The following ALMS1 variants were observed in gnomAD, a reference collection of about 807,000 sequenced individuals.
ALMS1 encodes ALMS1 centrosome and basal body associated protein.
ALMS1 carries 271 observed loss-of-function variants against 352.2 expected under a neutral mutation model. That is an observed-to-expected ratio of 0.77 (90% CI 0.70 to 0.85). ALMS1 has a LOEUF of 0.85. ALMS1 is among the 40% of genes least tolerant of loss of function. The pLI, the probability that ALMS1 is intolerant of heterozygous loss-of-function variation, is 0.00. For synonymous variants in ALMS1, 1,865 were observed against 1,761.2 expected, an observed-to-expected ratio of 1.06 and a Z score of -1.48; for missense variants, 5,445 against 4,870.7, an observed-to-expected ratio of 1.12 and a Z score of -3.51.
chr2:73,550,488 C>T (rs757800398), intron 13 of ALMS1, 51 bp downstream of exon 13: 4 of 1,594,296 alleles, frequency 2.5e-6, no homozygotes, highest in Non-Finnish European at 3.4e-6. Flanking sequence ...CCTTTTCATC[C>T]TAAATGAGAT....
At chr2:73,597,788 T>C (rs1675581948) in intron 16 of ALMS1, among the ~76,000 whole-genome samples, 1 of 152,050 alleles carries the variant, frequency 6.6e-6, no homozygotes, top group Non-Finnish European at 1.5e-5. Context: ...GAGCTTTTTT[T>C]TTTTTTTCCC....
chr2:73,564,591 C>G (rs948386997), intron 15 of ALMS1, among the ~76,000 whole-genome samples: 2 of 152,072 alleles, frequency 1.3e-5, no homozygotes, highest in Non-Finnish European at 2.9e-5. Flanking sequence ...AAAAGAAACC[C>G]TGAGACTTAA....
chr2:73,444,276 G>A (rs1671767574), intron 7 of ALMS1, among the ~76,000 whole-genome samples: 1 of 152,156 alleles, frequency 6.6e-6, no homozygotes, highest in Non-Finnish European at 1.5e-5. Context: ...GAATTTCTTT[G>A]AGTAGGGGTG....
intron 10 of ALMS1, among the ~76,000 whole-genome samples, chr2:73,516,585 C>T (rs1019470829): frequency 1.3e-5 from 2 of 152,180 alleles, no homozygotes; most frequent in Non-Finnish European, 2.9e-5. Flanking sequence ...GGTTTTTCAA[C>T]AACTAAATAT....
intron 10 of ALMS1, among the ~76,000 whole-genome samples, chr2:73,514,884 A>G (rs1332816114): frequency 6.6e-6 from 1 of 151,998 alleles, no homozygotes; most frequent in African/African-American, 2.4e-5. Context: ...TTATTTTTGC[A>G]CCTTTGATTT....
At chr2:73,545,335 C>T (rs1255243136) in intron 12 of ALMS1, among the ~76,000 whole-genome samples, 1 of 151,984 alleles carries the variant, frequency 6.6e-6, no homozygotes, top group Non-Finnish European at 1.5e-5. Context: ...CACCCACCAC[C>T]ACGCCCAGCT....
chr2:73,485,192 C>T (rs1464886485), intron 9 of ALMS1, among the ~76,000 whole-genome samples: 1 of 152,154 alleles, frequency 6.6e-6, no homozygotes, highest in Non-Finnish European at 1.5e-5. Flanking sequence ...TGTTTTTTCC[C>T]CATCTTTGTG....
At chr2:73,527,013 C>T (rs528189878) in intron 11 of ALMS1, among the ~76,000 whole-genome samples, 51 of 152,142 alleles carry the variant, frequency 3.4e-4, no homozygotes, top group African/African-American at 1.2e-3. Context: ...GTTTTTTCAT[C>T]GTCAATTGAA....
intron 15 of ALMS1, among the ~76,000 whole-genome samples, chr2:73,565,199 C>T (rs1674777748): frequency 6.6e-6 from 1 of 152,062 alleles, no homozygotes; most frequent in Non-Finnish European, 1.5e-5. Context: ...GATTCCTTGG[C>T]AAAATGCCTG....
intron 9 of ALMS1, among the ~76,000 whole-genome samples, chr2:73,480,174 C>G (rs1217965677): frequency 2.6e-5 from 4 of 151,884 alleles, no homozygotes; most frequent in Non-Finnish European, 5.9e-5. Context: ...GTGCTGCACC[C>G]ACTAACTTGT....
At chr2:73,587,346 T>C (rs1271033263) in intron 16 of ALMS1, among the ~76,000 whole-genome samples, 1 of 152,204 alleles carries the variant, frequency 6.6e-6, no homozygotes, top group Non-Finnish European at 1.5e-5. Context: ...GGCATTCTTG[T>C]CTTGTTCCAG....
intron 9 of ALMS1, among the ~76,000 whole-genome samples, chr2:73,462,104 A>C (rs1174205261): frequency 6.6e-6 from 1 of 152,124 alleles, no homozygotes; most frequent in East Asian, 1.9e-4. Flanking sequence ...AATACAGAGA[A>C]CGCCACAAAG....
At position 73,385,903 on chromosome 2, in the gene ALMS1, T is replaced by TGGAGGAGGAGGAGGAGGAGGAGGAGGA. The variant is rs55889738; in HGVS notation, c.48_74dup (p.Glu20_Glu28dup). ...GAGGATCTGCCATGGCCGGGCGAGC[T>TGGAGGAGGAGGAGGAGGAGGAGGAGGA]GGAGGAGGAGGAGGAGGAGGAGGAG... On this transcript the variant is annotated inframe_insertion, in exon 1 of 23. Coordinates refer to ENST00000613296, the MANE Select transcript of ALMS1 (RefSeq NM_001378454.1). 13 of 701,274 alleles carry TGGAGGAGGAGGAGGAGGAGGAGGAGGA rather than the reference T, an allele frequency of 1.9e-5. No homozygotes were observed. The highest frequency in any genetic ancestry group is 5.7e-5 in the East Asian group (2 of 35,268). The allele number at this position is 701,274 out of a possible 1,614,324, so 43.4% of individuals were successfully genotyped here. A position where few individuals can be genotyped will look rare whatever the true frequency, so the allele number is the denominator to read the frequency against.
chr2:73,479,628 G>C (rs763936048), intron 9 of ALMS1, among the ~76,000 whole-genome samples: 1 of 152,108 alleles, frequency 6.6e-6, no homozygotes, highest in Non-Finnish European at 1.5e-5. Flanking sequence ...ACTATTGAAG[G>C]ACATCTTGGT....
At chr2:73,539,269 A>G (rs963252652) in intron 12 of ALMS1, among the ~76,000 whole-genome samples, 2 of 152,216 alleles carry the variant, frequency 1.3e-5, no homozygotes, top group Non-Finnish European at 2.9e-5. Context: ...TACCCAGGCA[A>G]ATAGGGTCTG....
At position 73,491,348 on chromosome 2, in the gene ALMS1, C is replaced by G. The variant is rs200586877; in HGVS notation, c.9389C>G (p.Pro3130Arg). ...KSSLDFQVVQ[P>R]SLPDSNTITQ... Reference sequence around the variant, plus strand: ...TCACTGGATTTCCAAGTCGTACAGCCTTCTCTTCCAGACAGTAACACTATT... The same window carrying G: ...TCACTGGATTTCCAAGTCGTACAGCGTTCTCTTCCAGACAGTAACACTATT... Residue 3130 changes from proline to arginine, a missense_variant, in exon 10 of 23, where the codon CCT (proline) becomes CGT (arginine). Transcript: ENST00000613296. 426 of 1,614,160 alleles carry G rather than the reference C, an allele frequency of 2.6e-4. No homozygotes were observed. Among genetic ancestry groups the G allele is most frequent in the Non-Finnish European group, 3.5e-4 (414 of 1,180,018 alleles).
chr2:73,522,972 T>C lies in ALMS1; in HGVS notation c.9781+2956T>C, dbSNP rs538716587. 4.6e-5 allele frequency among the ~76,000 whole-genome samples: 7 copies of C among 152,322 alleles called. No individual in the cohort carries two copies. In the South Asian group the frequency reaches 6.2e-4, roughly 14 times the overall value. ...TTTGCTTTAGTGATATAAAAAATGT[T>C]AAGTAGCTAGGTGGCTCCTGTCCCT... On this transcript the variant is annotated intron_variant, in intron 11 of 22. Transcript: ENST00000613296.
chr2:73,537,059 G>C (rs1049020828), intron 12 of ALMS1, among the ~76,000 whole-genome samples: 1 of 152,124 alleles, frequency 6.6e-6, no homozygotes, highest in Non-Finnish European at 1.5e-5. Flanking sequence ...TAGTGGTTCC[G>C]TGAAGATTCC....
At chr2:73,458,917 A>G (rs1329855240) in intron 9 of ALMS1, 1 of 152,228 alleles carries the variant, frequency 6.6e-6, no homozygotes, top group Non-Finnish European at 1.5e-5. Flanking sequence ...GATAGGTGTC[A>G]GGTATGTTAC....
Sources: allele counts gnomAD v4.1 joint callset (sites outside exome capture counted in the v4.1 genomes callset), GRCh38; gene constraint gnomAD v4.1.1; transcripts MANE v1.5; gene names NCBI Gene and HGNC (gene_info 2026-07-23, HGNC 2026-07-21).